Variants in C3orf33 observed in about 807,000 individuals in gnomAD.
C3orf33 encodes the protein AP-1 activity suppressor.
A neutral mutation model predicts 28.7 loss-of-function variants in C3orf33; 23 were observed. The ratio of observed to expected loss-of-function variants is 0.80; its 90% CI spans 0.58 to 1.13. C3orf33 has a LOEUF of 1.13. C3orf33 is among the 50% of genes most tolerant of loss of function. C3orf33 has a pLI of 0.00. For synonymous variants in C3orf33, 119 were observed against 120.5 expected, an observed-to-expected ratio of 0.99 and a Z score of 0.08; for missense variants, 327 against 353.4, an observed-to-expected ratio of 0.93 and a Z score of 0.60.
At chr3:155,783,713 C>T (rs372703438) in intron 2 of C3orf33, among the ~76,000 whole-genome samples, 7 of 152,088 alleles carry the variant, frequency 4.6e-5, no homozygotes, top group African/African-American at 7.2e-5. Flanking sequence ...GCAATCTGCC[C>T]GCTTTGGCCT....
chr3:155,781,805 C>T (rs1317299366), intron 2 of C3orf33, among the ~76,000 whole-genome samples: 12 of 143,258 alleles, frequency 8.4e-5, no homozygotes, highest in South Asian at 2.2e-4. Flanking sequence ...GGGCCGGGTG[C>T]GGTGGCTCAT....
At position 155,763,693 on chromosome 3, in the gene C3orf33, A is replaced by G. The variant is rs759161457; in HGVS notation, c.709T>C (p.Trp237Arg). ...EKFKDSWREIWKKDSFLKTTG... is the reference protein window; with the variant it reads ...EKFKDSWREIRKKDSFLKTTG... Reference sequence around the variant, plus strand: ...GTTTTTAAAAAACTGTCCTTTTTCCATATTTCTCTCCAGGAATCTTTGAAT... The same window carrying G: ...GTTTTTAAAAAACTGTCCTTTTTCCGTATTTCTCTCCAGGAATCTTTGAAT... Residue 237 changes from tryptophan (W) to arginine (R), a missense_variant, in exon 5 of 5, where the codon TGG (tryptophan) becomes CGG (arginine). Trp to Arg is a moderately radical substitution (Grantham distance 101, BLOSUM62 -3). Transcript: ENST00000340171. 2.5e-6 allele frequency: 4 copies of G among 1,593,774 alleles called. No homozygotes were observed. In the East Asian group the frequency reaches 9.0e-5, roughly 36 times the overall value.
chr3:155,767,671 T>C lies in C3orf33; in HGVS notation c.323-2A>G, dbSNP rs759661578. 6.5e-7 allele frequency: 1 copy of C among 1,533,196 alleles called. No homozygotes were observed. Among genetic ancestry groups the C allele is most frequent in the Non-Finnish European group, 8.8e-7 (1 of 1,133,752 alleles). 95.0% of individuals were successfully genotyped at this position (1,533,196 alleles called of 1,614,324 possible). On this transcript the variant is annotated splice_acceptor_variant, in intron 3 of 4. Transcript: ENST00000340171. LOFTEE classifies it high-confidence loss of function. Reference sequence around the variant, plus strand: ...CCAGCAAAGCACCACGTGGCTCTTCTAAAAAGGTTAGGTAGAAAAGAGTTT... The same window carrying C: ...CCAGCAAAGCACCACGTGGCTCTTCCAAAAAGGTTAGGTAGAAAAGAGTTT...
intron 1 of C3orf33, chr3:155,804,163 C>A: frequency 2.3e-6 from 1 of 426,192 alleles, no homozygotes; most frequent in Non-Finnish European, 4.7e-6. Context: ...GGGACAAGTG[C>A]AAGACTTGGT....
intron 1 of C3orf33, chr3:155,804,284 C>T (rs942143263): frequency 3.1e-6 from 1 of 318,640 alleles, no homozygotes; most frequent in Non-Finnish European, 6.1e-6. Context: ...ATTTACACAA[C>T]TTCCTCCCAT....
chr3:155,800,755 A>G (rs1328931425), intron 2 of C3orf33, among the ~76,000 whole-genome samples: 2 of 151,966 alleles, frequency 1.3e-5, no homozygotes, highest in Non-Finnish European at 2.9e-5. Context: ...AACCCCATTC[A>G]AAAAGGGGCA....
rs544614355 is a variant in C3orf33, at chr3:155,802,558, T to C, written c.148A>G (p.Met50Val). The part of the protein sequence containing the change: ...ISTGMAIAGI[M>V]LLLRSIRLTS... ...AGTCGAATGCTTCTCAAAAGTAACA[T>C]TATTCCAGCTATGGCCATTCCAGTG... Residue 50 changes from methionine (M) to valine (V), a missense_variant, in exon 2 of 5, where the codon ATG becomes GTG. Coordinates refer to ENST00000340171, the MANE Select transcript of C3orf33 (RefSeq NM_001308229.2). 1 of 1,604,224 alleles carries C rather than the reference T, an allele frequency of 6.2e-7. No individual in the cohort carries two copies. The highest frequency in any genetic ancestry group is 8.5e-7 in the Non-Finnish European group (1 of 1,177,522).
At chr3:155,772,514 T>A (rs1347996086) in intron 3 of C3orf33, among the ~76,000 whole-genome samples, 1 of 151,966 alleles carries the variant, frequency 6.6e-6, no homozygotes, top group East Asian at 1.9e-4. Context: ...CATGACAATG[T>A]ACAACTTCAT....
At chr3:155,782,438 A>T (rs1559993614) in intron 2 of C3orf33, among the ~76,000 whole-genome samples, 2 of 152,188 alleles carry the variant, frequency 1.3e-5, no homozygotes, top group Non-Finnish European at 2.9e-5. Context: ...GCACTCAAAA[A>T]GACTCAGGCC....
intron 1 of C3orf33, among the ~76,000 whole-genome samples, 153 bp downstream of exon 1, chr3:155,805,986 A>G (rs1402759970): frequency 6.7e-6 from 1 of 150,334 alleles, no homozygotes; most frequent in Non-Finnish European, 1.5e-5. Flanking sequence ...CACACACGAC[A>G]CTCGCGATGT....
chr3:155,802,398 C>T, intron 2 of C3orf33, 134 bp downstream of exon 2: 2 of 624,354 alleles, frequency 3.2e-6, no homozygotes, highest in Non-Finnish European at 5.5e-6. Context: ...AAAATATGTT[C>T]ATTGTTCTAA....
Position 155,767,538 on chromosome 3 carries a change from C to A in C3orf33, c.454G>T (p.Ala152Ser). ...WFQLLGKENS[A>S]LFCYLLVSKG... ...CTCACCAGAAGATAGCAAAAGAGTG[C>A]TGAATTCTCCTTTCCAAGAAGTTGG... is the stretch of plus-strand genomic sequence containing the variant. Residue 152 changes from alanine (A) to serine (S), a missense_variant, in exon 4 of 5, where the codon GCA becomes TCA. Ala to Ser is a moderately conservative substitution (Grantham distance 99). Coordinates refer to ENST00000340171, the MANE Select transcript of C3orf33 (RefSeq NM_001308229.2). 1 of 1,583,462 alleles carries A rather than the reference C, an allele frequency of 6.3e-7. No homozygotes were observed. The highest frequency in any genetic ancestry group is 8.6e-7 in the Non-Finnish European group (1 of 1,161,578).
intron 1 of C3orf33, 84 bp downstream of exon 1, chr3:155,806,055 C>T: frequency 1.0e-6 from 1 of 961,946 alleles, no homozygotes; most frequent in Non-Finnish European, 1.4e-6. Flanking sequence ...CGGCGGGATC[C>T]ACGCCTGAGG....
chr3:155,794,733 A>T (rs1751428560), intron 2 of C3orf33, among the ~76,000 whole-genome samples: 1 of 152,208 alleles, frequency 6.6e-6, no homozygotes, highest in Admixed American at 6.5e-5. Flanking sequence ...AGCAGTAGCT[A>T]TATTTATGGC....
chr3:155,800,283 T>C (rs1285796769), intron 2 of C3orf33, among the ~76,000 whole-genome samples: 1 of 152,018 alleles, frequency 6.6e-6, no homozygotes, highest in African/African-American at 2.4e-5. Flanking sequence ...TGCACATCAA[T>C]GAGCACTCTC....
At chr3:155,793,014 T>A (rs1284443717) in intron 2 of C3orf33, among the ~76,000 whole-genome samples, 2 of 151,946 alleles carry the variant, frequency 1.3e-5, no homozygotes, top group African/African-American at 4.8e-5. Context: ...CGAAAGACGA[T>A]CACTACAACA....
intron 2 of C3orf33, among the ~76,000 whole-genome samples, chr3:155,780,515 T>C (rs1324485135): frequency 6.6e-6 from 1 of 152,240 alleles, no homozygotes. Flanking sequence ...CCAAACTCAA[T>C]AATCTTCTTT....
chr3:155,775,861 A>G lies in C3orf33; in HGVS notation c.175-13T>C. On this transcript the variant is annotated splice_polypyrimidine_tract_variant and intron_variant, in intron 2 of 4. Coordinates refer to ENST00000340171, the MANE Select transcript of C3orf33 (RefSeq NM_001308229.2). ...TAAATTTTGATGTCTATTGATTTAC[A>G]GGGAGAAAAATATAACCACTTATTA... 6.4e-7 allele frequency: 1 copy of G among 1,551,738 alleles called. No individual in the cohort carries two copies. The highest frequency in any genetic ancestry group is 8.8e-7 in the Non-Finnish European group (1 of 1,135,900).
intron 4 of C3orf33, 35 bp from the exon 5 acceptor site, chr3:155,763,953 A>G (rs1393147021): frequency 1.5e-6 from 2 of 1,322,370 alleles, no homozygotes; most frequent in East Asian, 5.6e-5. Flanking sequence ...CAATTATTTA[A>G]GATAATTGTT....
Sources: allele counts gnomAD v4.1 joint callset (sites outside exome capture counted in the v4.1 genomes callset), GRCh38; gene constraint gnomAD v4.1.1; transcripts MANE v1.5; gene names NCBI Gene and HGNC (gene_info 2026-07-23, HGNC 2026-07-21).